The following FRAS1 variants were observed in gnomAD, a reference collection of about 807,000 sequenced individuals.
FRAS1 encodes extracellular matrix organizing protein FRAS1.
FRAS1 carries 290 observed loss-of-function variants against 435.2 expected under a neutral mutation model. The ratio of observed to expected loss-of-function variants is 0.67; its 90% CI spans 0.61 to 0.73. The LOEUF (loss-of-function observed/expected upper bound fraction) is 0.73, where lower values mean the gene tolerates loss of function less well. Ranked by LOEUF, FRAS1 falls within the 30% of genes least tolerant of loss-of-function variation. The probability of loss-of-function intolerance (pLI) is 0.00; values close to 1 mark genes in which losing one functional copy is unlikely to be tolerated. For missense variants in FRAS1, 4,860 were observed against 5,001.5 expected, an observed-to-expected ratio of 0.97 and a Z score of 0.85; for synonymous variants, 1,800 against 1,851.0, an observed-to-expected ratio of 0.97 and a Z score of 0.71.
chr4:78,539,808 A>G (rs1408962325), intron 73 of FRAS1, among the ~76,000 whole-genome samples: 1 of 152,244 alleles, frequency 6.6e-6, no homozygotes, highest in Non-Finnish European at 1.5e-5. Context: ...AATACAATAC[A>G]GCAATTTAGA....
chr4:78,311,049 C>A (rs1728997160), intron 15 of FRAS1, among the ~76,000 whole-genome samples: 1 of 152,098 alleles, frequency 6.6e-6, no homozygotes, highest in Admixed American at 6.5e-5. Context: ...AAGGAGGAAA[C>A]CTCCTCATTC....
chr4:78,458,051 G>C lies in FRAS1; in HGVS notation c.6763+5697G>C, dbSNP rs545565642. On this transcript the variant is annotated intron_variant, in intron 47 of 73. Transcript: ENST00000512123. ...CTTAGGGAATACACAGTTAGAGAGA[G>C]AGAGGTCAAAGCGAGAACTTCCAGG... Among the ~76,000 whole-genome samples the C allele has an allele frequency of 7.9e-5, 12 of 152,318 alleles. No homozygotes were observed. In the South Asian group the frequency reaches 1.5e-3, roughly 18 times the overall value.
At chr4:78,326,043 C>T (rs778469907) in intron 18 of FRAS1, among the ~76,000 whole-genome samples, 39 of 152,236 alleles carry the variant, frequency 2.6e-4, no homozygotes, top group Non-Finnish European at 4.6e-4. Context: ...CATTACATGA[C>T]GTACTTTATG....
chr4:78,242,021 C>G (rs1221569557), intron 3 of FRAS1, among the ~76,000 whole-genome samples: 1 of 152,054 alleles, frequency 6.6e-6, no homozygotes, highest in African/African-American at 2.4e-5. Flanking sequence ...GGTTCCTTAT[C>G]TGTAAAATGA....
At chr4:78,338,691 G>A (rs1730274369) in intron 20 of FRAS1, among the ~76,000 whole-genome samples, 1 of 152,194 alleles carries the variant, frequency 6.6e-6, no homozygotes, top group Non-Finnish European at 1.5e-5. Context: ...TGTCAGGCTT[G>A]TTCTGGAGCA....
At chr4:78,447,987 A>G (rs1718905109) in intron 43 of FRAS1, 66 bp from the exon 44 acceptor site, 2 of 1,390,532 alleles carry the variant, frequency 1.4e-6, no homozygotes, top group South Asian at 1.5e-5. Flanking sequence ...AAATCAGACA[A>G]TGTTTTGAAT....
Position 78,515,936 on chromosome 4 carries a change from G to T in FRAS1, c.10312G>T (p.Val3438Leu). The change falls in exon 66 of 74, where the codon GTG (valine) becomes TTG (leucine). Residue 3438 changes from valine (V) to leucine (L), a missense_variant. Physicochemically the swap from Val to Leu is conservative, Grantham distance 32 (BLOSUM62 1). Transcript: ENST00000512123. ...LYKHLNLKSCVWTFDAYYDMT... is the reference protein window; with the variant it reads ...LYKHLNLKSCLWTFDAYYDMT... ...CAAACACCTGAACCTGAAGAGCTGCGTGTGGACCTTTGATGCTTATTATGA... is the reference window on the plus strand; with the variant it reads ...CAAACACCTGAACCTGAAGAGCTGCTTGTGGACCTTTGATGCTTATTATGA... 2 of 1,613,990 alleles carry T rather than the reference G, an allele frequency of 1.2e-6. No homozygotes were observed. The highest frequency in any genetic ancestry group is 1.7e-6 in the Non-Finnish European group (2 of 1,179,868).
At chr4:78,380,630 A>G (rs1174047018) in intron 27 of FRAS1, among the ~76,000 whole-genome samples, 1 of 152,218 alleles carries the variant, frequency 6.6e-6, no homozygotes, top group Admixed American at 6.5e-5. Flanking sequence ...TACTCCACAG[A>G]AGTCAGAGGG....
intron 20 of FRAS1, among the ~76,000 whole-genome samples, chr4:78,343,267 C>G (rs915920979): frequency 6.6e-6 from 1 of 151,872 alleles, no homozygotes; most frequent in African/African-American, 2.4e-5. Flanking sequence ...TTTATTATAG[C>G]CTCTTACAGG....
intron 2 of FRAS1, among the ~76,000 whole-genome samples, chr4:78,086,873 A>C (rs1165551954): frequency 2.0e-5 from 3 of 152,202 alleles, no homozygotes; most frequent in Non-Finnish European, 4.4e-5. Flanking sequence ...ATTCCTTCTG[A>C]AACTATTCCA....
At chr4:78,321,932 T>C (rs1286307384) in intron 18 of FRAS1, among the ~76,000 whole-genome samples, 1 of 152,096 alleles carries the variant, frequency 6.6e-6, no homozygotes, top group Non-Finnish European at 1.5e-5. Context: ...CTTGAGTCCC[T>C]TGTAGCCCTG....
At chr4:78,137,510 TATC>T (rs1379645794) in intron 2 of FRAS1, among the ~76,000 whole-genome samples, 3 of 152,254 alleles carry the variant, frequency 2.0e-5, no homozygotes, top group African/African-American at 7.2e-5. Flanking sequence ...ATGTTAATAA[TATC>T]ATAGATTATT....
At chr4:78,514,892 C>T (rs1367776299) in intron 65 of FRAS1, among the ~76,000 whole-genome samples, 3 of 151,792 alleles carry the variant, frequency 2.0e-5, no homozygotes, top group African/African-American at 7.3e-5. Context: ...CACAGTGAAA[C>T]CCCATCTCTA....
In FRAS1 at chr4:78,110,309, A is replaced by C. The variant is rs1742636046; in HGVS notation, c.108+44293A>C. Among the ~76,000 whole-genome samples the C allele has an allele frequency of 2.4e-5, 3 of 124,182 alleles. 1 individual carries two copies. In the Admixed American group the frequency reaches 2.6e-4, roughly 11 times the overall value. The allele number at this position is 124,182 out of a possible 152,430, so 81.5% of individuals were successfully genotyped here. The stretch of plus-strand genomic sequence containing the variant: ...CATCGCCAAGTCAATCCTAAGCCAA[A>C]AGAACAAAGCTGGAGGCATCACACT... On this transcript the variant is annotated intron_variant, in intron 2 of 73. Transcript: ENST00000512123.
chr4:78,116,339 A>T (rs1363999304), intron 2 of FRAS1, among the ~76,000 whole-genome samples: 1 of 152,184 alleles, frequency 6.6e-6, no homozygotes, highest in Non-Finnish European at 1.5e-5. Context: ...GCAGATGTCT[A>T]TTAGGTTGCC....
chr4:78,243,551 A>G (rs1725101030), intron 3 of FRAS1, among the ~76,000 whole-genome samples: 1 of 152,008 alleles, frequency 6.6e-6, no homozygotes, highest in Non-Finnish European at 1.5e-5. Flanking sequence ...CACATGCAAA[A>G]TTTTTATTCC....
Position 78,508,999 on chromosome 4 carries a change from A to G in FRAS1, c.9773A>G (p.Asn3258Ser), listed in dbSNP as rs1184919193. 3.1e-6 allele frequency: 5 copies of G among 1,613,938 alleles called. No homozygotes were observed. Among genetic ancestry groups the G allele is most frequent in the African/African-American group, 1.3e-5 (1 of 75,044 alleles). Residue 3258 changes from asparagine to serine, a missense_variant, in exon 63 of 74, where the codon AAC (asparagine) becomes AGC (serine). By Grantham distance (46) the Asn-to-Ser change is conservative (BLOSUM62 1). Coordinates refer to ENST00000512123, the MANE Select transcript of FRAS1 (RefSeq NM_025074.7). ...GACAACACACCATTCACCAGTGTCAACCACATGGTAGGTCTGGGGGTCTGG... is the reference window on the plus strand; with the variant it reads ...GACAACACACCATTCACCAGTGTCAGCCACATGGTAGGTCTGGGGGTCTGG... Reference protein sequence around the residue: ...ITDNTPFTSVNHMVLDSIYFS... With the variant: ...ITDNTPFTSVSHMVLDSIYFS...
intron 2 of FRAS1, among the ~76,000 whole-genome samples, chr4:78,224,219 C>T (rs1451893419): frequency 6.6e-6 from 1 of 152,174 alleles, no homozygotes; most frequent in East Asian, 1.9e-4. Context: ...AGCTGTTCTT[C>T]CTGAAACCAG....
intron 47 of FRAS1, among the ~76,000 whole-genome samples, chr4:78,459,955 A>G (rs1359613056): frequency 6.6e-6 from 1 of 152,194 alleles, no homozygotes; most frequent in African/African-American, 2.4e-5. Context: ...CAATTACACT[A>G]TTTCCAGATA....
Sources: allele counts gnomAD v4.1 joint callset (sites outside exome capture counted in the v4.1 genomes callset), GRCh38; gene constraint gnomAD v4.1.1; transcripts MANE v1.5; gene names NCBI Gene and HGNC (gene_info 2026-07-23, HGNC 2026-07-21).